FAR2: variants seen among roughly 807,000 people sequenced by gnomAD.
FAR2 encodes fatty acyl-CoA reductase 2.
Under a neutral mutation model 56.0 loss-of-function variants are expected in FAR2, and 19 were observed. That is an observed-to-expected ratio of 0.34 (90% CI 0.24 to 0.50). FAR2 has a LOEUF of 0.50. Ranked by LOEUF, FAR2 falls within the 20% of genes least tolerant of loss-of-function variation. The pLI is 0.98. For synonymous variants in FAR2, 219 were observed against 218.8 expected, an observed-to-expected ratio of 1.00 and a Z score of -0.01; for missense variants, 508 against 642.2, an observed-to-expected ratio of 0.79 and a Z score of 2.26.
At chr12:29,269,313 A>G (rs1374545582) in intron 1 of FAR2, among the ~76,000 whole-genome samples, 1 of 152,200 alleles carries the variant, frequency 6.6e-6, no homozygotes, top group African/African-American at 2.4e-5. Flanking sequence ...TTGCTTTTGA[A>G]AGAAGAGAAA....
chr12:29,175,892 C>T (rs1949933508), intron 1 of FAR2, among the ~76,000 whole-genome samples: 1 of 152,142 alleles, frequency 6.6e-6, no homozygotes, highest in Non-Finnish European at 1.5e-5. Context: ...CTTCAAGTCC[C>T]CACTCGACCC....
chr12:29,328,371 G>GA (rs973135382), intron 10 of FAR2, among the ~76,000 whole-genome samples: 3 of 152,318 alleles, frequency 2.0e-5, no homozygotes, highest in African/African-American at 7.2e-5. Flanking sequence ...TCTAGAGCTA[G>GA]AAATACCATT....
At chr12:29,280,371 ATAGT>A (rs1453864871) in intron 2 of FAR2, 2 of 152,180 alleles carry the variant, frequency 1.3e-5, no homozygotes, top group Admixed American at 1.3e-4. Context: ...TCTCTTTTCT[ATAGT>A]TAGTCATCAT....
At chr12:29,236,519 G>C (rs889684304) in intron 1 of FAR2, among the ~76,000 whole-genome samples, 1 of 152,196 alleles carries the variant, frequency 6.6e-6, no homozygotes, top group Non-Finnish European at 1.5e-5. Context: ...ATGGTGAAAG[G>C]GGAAGCAGGC....
At chr12:29,190,043 T>C (rs7980923) in intron 1 of FAR2, among the ~76,000 whole-genome samples, 26,364 of 152,066 alleles carry the variant, frequency 0.17, 2,441 homozygotes, top group South Asian at 0.28. Context: ...GAAGGAAATG[T>C]GTGCACTGTG....
At position 29,297,043 on chromosome 12, in the gene FAR2, A is replaced by G. The variant is rs377410151; in HGVS notation, c.388A>G (p.Thr130Ala). ...TAGACATGCTGTGCAACTTAACGTC[A>G]CTGCCACCCGGCAGCTCTTGCTTAT... The part of the protein sequence containing the change: ...TLRHAVQLNV[T>A]ATRQLLLMAS... The change falls in exon 4 of 12, where the codon ACT (threonine) becomes GCT (alanine). Residue 130 changes from threonine (T) to alanine (A), a missense_variant. Transcript: ENST00000536681. 15 of 1,608,562 alleles carry G rather than the reference A, an allele frequency of 9.3e-6. No individual in the cohort carries two copies. Among genetic ancestry groups the G allele is most frequent in the African/African-American group, 8.1e-5 (6 of 74,532 alleles).
chr12:29,320,571 C>T (rs555073400), intron 9 of FAR2, among the ~76,000 whole-genome samples: 1 of 152,280 alleles, frequency 6.6e-6, no homozygotes, highest in Admixed American at 6.5e-5. Context: ...AATTACTGAG[C>T]CAACTATAGT....
intron 3 of FAR2, among the ~76,000 whole-genome samples, chr12:29,295,558 T>A (rs934488409): frequency 3.3e-5 from 5 of 152,070 alleles, no homozygotes; most frequent in African/African-American, 1.2e-4. Flanking sequence ...TAAAAACATT[T>A]AGTATATTTA....
At chr12:29,308,681 GACACACAGACACACACAC>G (rs1218590982) in intron 5 of FAR2, among the ~76,000 whole-genome samples, 8 of 60,810 alleles carry the variant, frequency 1.3e-4, no homozygotes, top group African/African-American at 5.9e-4. Flanking sequence ...TATACACACA[GACACACAGACACACACAC>G]ACACACACAC....
At chr12:29,251,303 C>T (rs75804942) in intron 1 of FAR2, among the ~76,000 whole-genome samples, 2,411 of 152,258 alleles carry the variant, frequency 0.016, 29 homozygotes, top group Non-Finnish European at 0.026. Context: ...CCCTGATACA[C>T]TGCCAAAAAA....
chr12:29,296,060 G>A (rs1363641802), intron 3 of FAR2, among the ~76,000 whole-genome samples: 6 of 152,222 alleles, frequency 3.9e-5, no homozygotes, highest in Non-Finnish European at 8.8e-5. Context: ...GAGCCACCGC[G>A]CCCGGCCTTT....
At chr12:29,284,961 C>T (rs1167693296) in intron 2 of FAR2, among the ~76,000 whole-genome samples, 2 of 152,178 alleles carry the variant, frequency 1.3e-5, no homozygotes, top group East Asian at 1.9e-4. Context: ...CCTGCCTTAG[C>T]CTCCCGAGTA....
intron 1 of FAR2, among the ~76,000 whole-genome samples, chr12:29,162,035 A>C (rs971209595): frequency 1.3e-5 from 2 of 152,080 alleles, no homozygotes; most frequent in East Asian, 3.8e-4. Flanking sequence ...CCTTTGTTAG[A>C]TATGTGCTTT....
chr12:29,268,454 T>C (rs1488478777), intron 1 of FAR2, among the ~76,000 whole-genome samples: 1 of 152,230 alleles, frequency 6.6e-6, no homozygotes, highest in Non-Finnish European at 1.5e-5. Context: ...GGCTTCCTGC[T>C]ACCAGATTCA....
In FAR2 at chr12:29,308,709, C is replaced by CATAT. The variant is rs1428996085; in HGVS notation, c.724-476_724-475insTATA. Among the ~76,000 whole-genome samples the CATAT allele has an allele frequency of 1.6e-3, 170 of 103,692 alleles. 1 individual carries two copies. Among genetic ancestry groups the CATAT allele is most frequent in the Middle Eastern group, 9.9e-3 (2 of 202 alleles). The allele number at this position is 103,692 out of a possible 152,430, so 68.0% of individuals were successfully genotyped here. On this transcript the variant is annotated intron_variant, in intron 5 of 11. Transcript: ENST00000536681. ...ACACAGACACACACACACACACACA[C>CATAT]ACACACACACATATATATATATATG...
chr12:29,173,532 T>C (rs1175684035), intron 1 of FAR2, among the ~76,000 whole-genome samples: 2 of 152,202 alleles, frequency 1.3e-5, no homozygotes, highest in African/African-American at 4.8e-5. Flanking sequence ...CAGGATAGTA[T>C]TGTAATTTAT....
chr12:29,329,513 C>T (rs1040557755), intron 10 of FAR2, among the ~76,000 whole-genome samples: 1 of 152,006 alleles, frequency 6.6e-6, no homozygotes, highest in Non-Finnish European at 1.5e-5. Flanking sequence ...GTTTGAATTG[C>T]CATATGGAAT....
chr12:29,305,960 T>G (rs1949248450), intron 4 of FAR2, among the ~76,000 whole-genome samples: 1 of 152,076 alleles, frequency 6.6e-6, no homozygotes, highest in Admixed American at 6.5e-5. Context: ...TCCCTGCACA[T>G]TATTGGGCTC....
chr12:29,297,347 C>T (rs1949088355), intron 4 of FAR2, 147 bp downstream of exon 4: 3 of 700,534 alleles, frequency 4.3e-6, no homozygotes, highest in Non-Finnish European at 7.0e-6. Context: ...GCTACCTTGT[C>T]CCTGCTAGTT....
Sources: gnomAD v4.1 joint callset for allele counts (sites outside exome capture counted in the v4.1 genomes callset) on GRCh38, gnomAD v4.1.1 for gene constraint, MANE v1.5 for transcripts, NCBI Gene and HGNC (gene_info 2026-07-23, HGNC 2026-07-21) for gene names.